The following NSD1 variants were observed in gnomAD, a reference collection of about 807,000 sequenced individuals.
NSD1 encodes the protein nuclear receptor binding SET domain protein 1, also known as histone-lysine N-methyltransferase, H3 lysine-36 specific.
In NSD1, 26 loss-of-function variants were observed where a neutral mutation model predicts 242.7. The observed-to-expected ratio is 0.11, with a 90% CI of 0.08 to 0.15. NSD1 has a LOEUF of 0.15. Among genes scored for constraint, NSD1 ranks in the 10% least tolerant of loss-of-function variants. NSD1 has a pLI of 1.00. For synonymous variants in NSD1, 1,106 were observed against 1,178.1 expected (o/e 0.94, Z 1.25); for missense variants, 2,495 against 3,272.8 (o/e 0.76, Z 5.80).
chr5:177,207,159 C>T (rs1762938005), intron 4 of NSD1, among the ~76,000 whole-genome samples: 1 of 151,898 alleles, frequency 6.6e-6, no homozygotes, highest in Non-Finnish European at 1.5e-5. Flanking sequence ...CTGGTCTCGA[C>T]CTCCTAACCT....
At chr5:177,158,337 C>CTTTTCTTTCTTTTCTTTCTTTTCTTTCT (rs368444130) in intron 2 of NSD1, among the ~76,000 whole-genome samples, 14 of 97,878 alleles carry the variant, frequency 1.4e-4, no homozygotes, top group South Asian at 3.4e-4. Flanking sequence ...TCTTTTCTTT[C>CTTTTCTTTCTTTTCTTTCTTTTCTTTCT]TTTCTTTCTT....
In NSD1 at chr5:177,136,357, G is replaced by A. The variant is rs1756329332; in HGVS notation, c.927+327G>A. On this transcript the variant is annotated intron_variant, in intron 2 of 22. Transcript: ENST00000439151. Reference sequence around the variant, plus strand: ...AAAAAAAAAAAAAAGATGGGTTTTGGCCTGCCAGCACCATGAGTGCAGGTG... The same window carrying A: ...AAAAAAAAAAAAAAGATGGGTTTTGACCTGCCAGCACCATGAGTGCAGGTG... The A allele has an allele frequency of 2.6e-5, 6 of 234,332 alleles. No homozygotes were observed. In the South Asian group the frequency reaches 4.1e-4, roughly 16 times the overall value. The allele number at this position is 234,332 out of a possible 1,614,324, so 14.5% of individuals were successfully genotyped here. A position where few individuals can be genotyped will look rare whatever the true frequency, so the allele number is the denominator to read the frequency against.
At chr5:177,212,248 A>G in intron 5 of NSD1, 53 bp downstream of exon 5, 1 of 1,559,862 alleles carries the variant, frequency 6.4e-7, no homozygotes. Context: ...AGTGCTGATA[A>G]ACATTGTCCT....
chr5:177,206,211 G>A (rs1414867583), intron 4 of NSD1, among the ~76,000 whole-genome samples: 2 of 152,122 alleles, frequency 1.3e-5, no homozygotes, highest in Non-Finnish European at 2.9e-5. Flanking sequence ...TGTTGGCCAG[G>A]CTGGTCTCAA....
At position 177,248,259 on chromosome 5, in the gene NSD1, C is replaced by T. The variant is rs1342562922; in HGVS notation, c.4576C>T (p.Pro1526Ser). The T allele has an allele frequency of 1.9e-6, 3 of 1,613,906 alleles. No individual in the cohort carries two copies. Among genetic ancestry groups the T allele is most frequent in the East Asian group, 4.5e-5 (2 of 44,870 alleles). The change falls in exon 11 of 23, where the codon CCT (proline) becomes TCT (serine). Residue 1526 changes from proline (P) to serine (S), a missense_variant. Pro to Ser is a moderately conservative substitution (Grantham distance 74). Coordinates refer to ENST00000439151, the MANE Select transcript of NSD1 (RefSeq NM_022455.5). ...AGGTGTAGAACACGATCCCGGGATG[C>T]CTGCCTCTAAAAAAATGCAGGGTGA... ...EEGVEHDPGMPASKKMQGERG... is the reference protein window; with the variant it reads ...EEGVEHDPGMSASKKMQGERG...
chr5:177,164,432 C>T (rs1287769115), intron 2 of NSD1, among the ~76,000 whole-genome samples: 2 of 152,048 alleles, frequency 1.3e-5, no homozygotes, highest in African/African-American at 4.8e-5. Flanking sequence ...GCTGGGATCA[C>T]AGGTGTGAGC....
chr5:177,188,948 TG>T (rs1353942232), intron 2 of NSD1, among the ~76,000 whole-genome samples: 2 of 151,870 alleles, frequency 1.3e-5, no homozygotes, highest in African/African-American at 4.8e-5. Context: ...AACACTGAGA[TG>T]GGAGGATGGG....
intron 2 of NSD1, among the ~76,000 whole-genome samples, chr5:177,184,374 T>A (rs1313714426): frequency 2.0e-5 from 3 of 152,252 alleles, no homozygotes; most frequent in Non-Finnish European, 4.4e-5. Flanking sequence ...TCAGTGATAC[T>A]GAGCACCTTG....
At chr5:177,196,131 A>G (rs762670265) in intron 3 of NSD1, among the ~76,000 whole-genome samples, 13 of 152,288 alleles carry the variant, frequency 8.5e-5, no homozygotes, top group African/African-American at 9.6e-5. Context: ...AGAGAAGAAG[A>G]TGGTTCCAGG....
At chr5:177,281,799 C>T (rs1050685431) in intron 18 of NSD1, among the ~76,000 whole-genome samples, 1 of 152,098 alleles carries the variant, frequency 6.6e-6, no homozygotes, top group Non-Finnish European at 1.5e-5. Flanking sequence ...ACTACAGGCT[C>T]GCATCACCAC....
intron 2 of NSD1, among the ~76,000 whole-genome samples, chr5:177,144,098 T>A (rs1757041396): frequency 6.6e-6 from 1 of 152,110 alleles, no homozygotes; most frequent in African/African-American, 2.4e-5. Context: ...ACAAGATAAT[T>A]TATATGAAGT....
intron 12 of NSD1, among the ~76,000 whole-genome samples, chr5:177,255,829 A>G (rs1756404932): frequency 6.6e-6 from 1 of 151,682 alleles, no homozygotes; most frequent in African/African-American, 2.4e-5. Flanking sequence ...CAGTGATCCA[A>G]TTGCCTTAGC....
intron 14 of NSD1, among the ~76,000 whole-genome samples, chr5:177,263,954 T>C (rs1183071525): frequency 1.3e-5 from 2 of 151,656 alleles, no homozygotes; most frequent in Non-Finnish European, 2.9e-5. Context: ...TGGATCATGG[T>C]AGTATTAATA....
intron 22 of NSD1, 44 bp from the exon 23 acceptor site, chr5:177,293,788 T>A (rs1039745891): frequency 1.2e-6 from 2 of 1,606,140 alleles, no homozygotes; most frequent in Non-Finnish European, 8.5e-7. Context: ...ATGTGATATG[T>A]ATCTCTTTTT....
At chr5:177,233,245 T>G (rs1351037959) in intron 5 of NSD1, among the ~76,000 whole-genome samples, 2 of 152,050 alleles carry the variant, frequency 1.3e-5, no homozygotes, top group Admixed American at 6.6e-5. Flanking sequence ...TTATTTTTAT[T>G]TTTAGTAGAG....
At chr5:177,257,963 C>G (rs1248976727) in intron 13 of NSD1, among the ~76,000 whole-genome samples, 1 of 146,476 alleles carries the variant, frequency 6.8e-6, no homozygotes, top group South Asian at 2.2e-4. Context: ...CACGCGTGGC[C>G]CCCCTGGGCC....
chr5:177,219,479 C>G (rs1764070188), intron 5 of NSD1, among the ~76,000 whole-genome samples: 1 of 152,170 alleles, frequency 6.6e-6, no homozygotes, highest in African/African-American at 2.4e-5. Context: ...GCCACCGCGC[C>G]CGGCCCTGTC....
chr5:177,212,215 A>T lies in NSD1; in HGVS notation c.3796+20A>T. 6.3e-7 allele frequency: 1 copy of T among 1,595,808 alleles called. No individual in the cohort carries two copies. Among genetic ancestry groups the T allele is most frequent in the Non-Finnish European group, 8.5e-7 (1 of 1,173,202 alleles). On this transcript the variant is annotated intron_variant, in intron 5 of 22. Coordinates refer to ENST00000439151, the MANE Select transcript of NSD1 (RefSeq NM_022455.5). ...AACCAGGTAAGGACATCTAAATGTG[A>T]TAAAAAAAAAAAAATTGGAGAAAGT...
At chr5:177,288,421 CAT>C (rs978811311) in intron 20 of NSD1, 10 of 269,008 alleles carry the variant, frequency 3.7e-5, no homozygotes, top group Non-Finnish European at 6.5e-5. Flanking sequence ...TGCCAGGTAA[CAT>C]GTGTTCACCT....
Sources: gnomAD v4.1 joint callset for allele counts (sites outside exome capture counted in the v4.1 genomes callset) on GRCh38, gnomAD v4.1.1 for gene constraint, MANE v1.5 for transcripts, NCBI Gene and HGNC (gene_info 2026-07-23, HGNC 2026-07-21) for gene names.